ST3GAL1: variants seen among roughly 807,000 people sequenced by gnomAD.
ST3GAL1 encodes CMP-N-acetylneuraminate-beta-galactosamide-alpha-2,3-sialyltransferase 1.
A neutral mutation model predicts 34.1 loss-of-function variants in ST3GAL1; 16 were observed. That is an observed-to-expected ratio of 0.47 (90% confidence interval 0.32 to 0.71). ST3GAL1 has a LOEUF of 0.71. Among genes scored for constraint, ST3GAL1 ranks in the 30% least tolerant of loss-of-function variants. ST3GAL1 has a pLI of 0.04. For missense variants in ST3GAL1, 353 were observed against 447.4 expected, an observed-to-expected ratio of 0.79 and a Z score of 1.90; for synonymous variants, 191 against 184.7, an observed-to-expected ratio of 1.03 and a Z score of -0.28.
chr8:133,520,089 T>G (rs1028260860), intron 2 of ST3GAL1, among the ~76,000 whole-genome samples: 2 of 152,230 alleles, frequency 1.3e-5, no homozygotes, highest in Non-Finnish European at 2.9e-5. Flanking sequence ...CCACGCATAT[T>G]TACTGAGCAG....
intron 2 of ST3GAL1, among the ~76,000 whole-genome samples, chr8:133,521,769 ACT>A (rs1817817277): frequency 6.6e-6 from 1 of 152,276 alleles, no homozygotes; most frequent in African/African-American, 2.4e-5. Flanking sequence ...TATCTACTAC[ACT>A]GTTAAATTGG....
intron 7 of ST3GAL1, 66 bp from the exon 8 acceptor site, chr8:133,463,525 G>A: frequency 6.5e-7 from 1 of 1,547,330 alleles, no homozygotes; most frequent in South Asian, 1.1e-5. Flanking sequence ...TGGGCATGCA[G>A]CTCTGGGGGT....
In ST3GAL1 at chr8:133,470,859, C is replaced by T. The variant is rs2130933716; in HGVS notation, c.307-4769G>A. 1.3e-5 allele frequency among the ~76,000 whole-genome samples: 2 copies of T among 152,302 alleles called. 1 individual carries two copies. The highest frequency in any genetic ancestry group is 4.1e-4 in the South Asian group (2 of 4,830). ...AGCTGGAGCCCTGGGTGCCTCACCT[C>T]ACCCTGCACTCGGGCATGATCCACA... On this transcript the variant is annotated intron_variant, in intron 5 of 9. Transcript: ENST00000522652.
intron 5 of ST3GAL1, among the ~76,000 whole-genome samples, chr8:133,474,014 A>T (rs1161370945): frequency 6.6e-6 from 1 of 152,214 alleles, no homozygotes; most frequent in Non-Finnish European, 1.5e-5. Context: ...ACCTGCACAC[A>T]GTGGTGCTCA....
chr8:133,494,613 A>C (rs948641219), intron 3 of ST3GAL1, among the ~76,000 whole-genome samples: 1 of 152,248 alleles, frequency 6.6e-6, no homozygotes. Flanking sequence ...GCACACCCAC[A>C]ATGCAATCCA....
intron 2 of ST3GAL1, among the ~76,000 whole-genome samples, chr8:133,535,551 G>A (rs151227092): frequency 1.1e-3 from 152 of 132,178 alleles, no homozygotes; most frequent in African/African-American, 6.2e-3. Context: ...ACAAGGTCTC[G>A]CTCTGTCAAG....
At chr8:133,533,526 T>C (rs1450420162) in intron 2 of ST3GAL1, among the ~76,000 whole-genome samples, 1 of 152,202 alleles carries the variant, frequency 6.6e-6, no homozygotes, top group Non-Finnish European at 1.5e-5. Flanking sequence ...GAACTTCCTG[T>C]CTTTTCATCC....
chr8:133,565,540 A>G (rs1461822204), intron 1 of ST3GAL1, among the ~76,000 whole-genome samples: 1 of 152,162 alleles, frequency 6.6e-6, no homozygotes. Context: ...TGTGGGCACC[A>G]TCTCTGGAAG....
intron 1 of ST3GAL1, chr8:133,567,152 A>C (rs1357406934): frequency 1.3e-5 from 2 of 152,252 alleles, no homozygotes; most frequent in African/African-American, 2.4e-5. Context: ...GGTGGAGGGA[A>C]CCTTTCCCTT....
intron 3 of ST3GAL1, among the ~76,000 whole-genome samples, chr8:133,497,437 C>G (rs1309080176): frequency 6.7e-6 from 1 of 148,942 alleles, no homozygotes; most frequent in Non-Finnish European, 1.5e-5. Flanking sequence ...TTTCTTCTCT[C>G]CCATGCAATT....
intron 2 of ST3GAL1, among the ~76,000 whole-genome samples, chr8:133,543,481 G>GA (rs1193578398): frequency 1.3e-5 from 2 of 151,840 alleles, no homozygotes; most frequent in East Asian, 1.9e-4. Flanking sequence ...AGAGAAAAAA[G>GA]AAAAAATGAA....
intron 2 of ST3GAL1, among the ~76,000 whole-genome samples, chr8:133,519,664 G>C (rs1027044087): frequency 4.6e-5 from 7 of 152,168 alleles, no homozygotes; most frequent in Non-Finnish European, 7.3e-5. Flanking sequence ...CAGTAAAGGA[G>C]GCCGGGCTCG....
At chr8:133,490,371 C>A (rs946673567) in intron 3 of ST3GAL1, among the ~76,000 whole-genome samples, 2 of 152,198 alleles carry the variant, frequency 1.3e-5, no homozygotes, top group African/African-American at 2.4e-5. Context: ...TGGCGGCATG[C>A]GTATCTTCAC....
chr8:133,531,572 C>T (rs1487256604), intron 2 of ST3GAL1, among the ~76,000 whole-genome samples: 1 of 152,034 alleles, frequency 6.6e-6, no homozygotes, highest in Non-Finnish European at 1.5e-5. Context: ...ACCTCCCTGA[C>T]CCCAGGCAGC....
intron 1 of ST3GAL1, among the ~76,000 whole-genome samples, chr8:133,565,660 T>G (rs150311284): frequency 3.9e-5 from 6 of 152,364 alleles, no homozygotes; most frequent in Non-Finnish European, 7.3e-5. Context: ...AAAAAGTAGA[T>G]GCTACTAAAA....
intron 2 of ST3GAL1, among the ~76,000 whole-genome samples, chr8:133,531,405 G>A (rs1818149225): frequency 6.6e-6 from 1 of 152,028 alleles, no homozygotes; most frequent in African/African-American, 2.4e-5. Context: ...TGTTCTAAGA[G>A]CTTTAAAATA....
At chr8:133,535,564 C>A (rs139186534) in intron 2 of ST3GAL1, among the ~76,000 whole-genome samples, 1 of 144,312 alleles carries the variant, frequency 6.9e-6, no homozygotes, top group South Asian at 2.1e-4. Flanking sequence ...CTGTCAAGTT[C>A]TGTTCATAGC....
intron 1 of ST3GAL1, among the ~76,000 whole-genome samples, chr8:133,557,463 T>C (rs571071695): frequency 6.7e-6 from 1 of 150,008 alleles, no homozygotes; most frequent in African/African-American, 2.5e-5. Flanking sequence ...GCCTTGGCAG[T>C]ATCACCCCAC....
intron 8 of ST3GAL1, 116 bp downstream of exon 8, chr8:133,463,298 A>AAGGGGGATAG (rs1815582048): frequency 6.9e-6 from 8 of 1,163,718 alleles, no homozygotes; most frequent in African/African-American, 1.5e-5. Flanking sequence ...GGGAGATGCT[A>AAGGGGGATAG]CCTCCAGCGG....
Sources: gnomAD v4.1 joint callset for allele counts (sites outside exome capture counted in the v4.1 genomes callset) on GRCh38, gnomAD v4.1.1 for gene constraint, MANE v1.5 for transcripts, NCBI Gene and HGNC (gene_info 2026-07-23, HGNC 2026-07-21) for gene names.